The following SS18L1 variants were observed in gnomAD, a reference collection of about 807,000 sequenced individuals.
The protein encoded by SS18L1 is calcium-responsive transactivator.
SS18L1 carries 32 observed loss-of-function variants against 70.3 expected under a neutral mutation model. The observed-to-expected ratio is 0.46, with a 90% CI of 0.34 to 0.61. The LOEUF (loss-of-function observed/expected upper bound fraction) is 0.61. Ranked by LOEUF, SS18L1 falls within the 20% of genes least tolerant of loss-of-function variation. The probability of loss-of-function intolerance (pLI) is 0.01; values close to 1 mark genes in which losing one functional copy is unlikely to be tolerated. For synonymous variants in SS18L1, 237 were observed against 229.7 expected, an observed-to-expected ratio of 1.03 and a Z score of -0.29; for missense variants, 430 against 542.1, an observed-to-expected ratio of 0.79 and a Z score of 2.05.
Position 62,158,618 on chromosome 20 carries a change from C to T in SS18L1, c.70-54C>T, listed in dbSNP as rs577510715. 139 of 1,595,630 alleles carry T rather than the reference C, an allele frequency of 8.7e-5. No homozygotes were observed. The East Asian group carries it at 2.5e-3, about 28-fold the overall frequency. On this transcript the variant is annotated intron_variant, in intron 1 of 10. Transcript: ENST00000331758. This position sits in a 1 kb window ranked among gnomAD's most constrained non-coding sequence, Gnocchi z 4.5. ...GATGTGTAGCGATGGCTGTTCATCC[C>T]GAGGGTCAGCGACAGCCCCGCGTCG...
chr20:62,175,095 A>C (rs748618288), intron 10 of SS18L1, among the ~76,000 whole-genome samples: 4 of 152,248 alleles, frequency 2.6e-5, no homozygotes, highest in Non-Finnish European at 5.9e-5. Flanking sequence ...ATGGGGGCGC[A>C]GGCGACCGCA....
At position 62,147,695 on chromosome 20, in the gene SS18L1, G is replaced by A. The variant is rs555388751; in HGVS notation, c.69+3806G>A. On this transcript the variant is annotated intron_variant, in intron 1 of 10. Transcript: ENST00000331758. ...CTCTGAGGGAATGGGATGGAGCTGA[G>A]AGGAGGTGGGCCCCTGGGGCCGCCT... 4.6e-5 allele frequency among the ~76,000 whole-genome samples: 7 copies of A among 152,266 alleles called. No individual in the cohort carries two copies. In the East Asian group the frequency reaches 1.4e-3, roughly 29 times the overall value.
intron 8 of SS18L1, among the ~76,000 whole-genome samples, chr20:62,171,831 C>T (rs1413451711): frequency 1.3e-5 from 2 of 152,080 alleles, no homozygotes; most frequent in African/African-American, 4.8e-5. Flanking sequence ...CCAGCCTGGG[C>T]AACATAGAGA....
At position 62,180,671 on chromosome 20, in the gene SS18L1, G is replaced by A. The variant is rs547775646; in HGVS notation, c.*1463G>A. 7 of 162,084 alleles carry A rather than the reference G, an allele frequency of 4.3e-5. No individual in the cohort carries two copies. Among genetic ancestry groups the A allele is most frequent in the East Asian group, 4.0e-4 (3 of 7,476 alleles). 10.0% of individuals were successfully genotyped at this position (162,084 alleles called of 1,614,324 possible). ...AGCACTTTGGGAGGCCGAAGCGGGC[G>A]GATCACCTGAGGTCGGGAGTTCGAG... On this transcript the variant is annotated 3_prime_UTR_variant, in exon 11 of 11. Coordinates refer to ENST00000331758, the MANE Select transcript of SS18L1 (RefSeq NM_198935.3).
intron 8 of SS18L1, among the ~76,000 whole-genome samples, chr20:62,166,083 C>T (rs2057424867): frequency 2.6e-5 from 4 of 152,208 alleles, no homozygotes; most frequent in Admixed American, 2.6e-4. Flanking sequence ...GGTGTCTGTG[C>T]CCCCACCCTG....
Position 62,172,031 on chromosome 20 carries a change from G to A in SS18L1, c.917-651G>A, listed in dbSNP as rs377297139. Among the ~76,000 whole-genome samples, 201 of 152,104 alleles carry A rather than the reference G, an allele frequency of 1.3e-3. No individual in the cohort carries two copies. In the Middle Eastern group the frequency reaches 0.017, roughly 13 times the overall value. The stretch of plus-strand genomic sequence containing the variant: ...CAAAAAATTAGCCTGGCGTTGTGGC[G>A]GGCACCTGTAGTCCCAGCTACTCGG... On this transcript the variant is annotated intron_variant, in intron 8 of 10. Coordinates refer to ENST00000331758, the MANE Select transcript of SS18L1 (RefSeq NM_198935.3).
At chr20:62,154,330 G>T in intron 1 of SS18L1, 1 of 1,047,422 alleles carries the variant, frequency 9.5e-7, no homozygotes, top group Non-Finnish European at 1.2e-6. Flanking sequence ...TTGGGTACAA[G>T]GTGCGTTTTC....
chr20:62,168,473 G>C (rs1009853976), intron 8 of SS18L1, among the ~76,000 whole-genome samples: 1 of 152,138 alleles, frequency 6.6e-6, no homozygotes, highest in Admixed American at 6.5e-5. Context: ...GGAGGAATGG[G>C]TCAAAGGCAC....
In SS18L1 at chr20:62,179,446, C is replaced by T. The variant is rs549471998; in HGVS notation, c.*238C>T. 29 of 558,726 alleles carry T rather than the reference C, an allele frequency of 5.2e-5. No homozygotes were observed. The highest frequency in any genetic ancestry group is 4.8e-4 in the Middle Eastern group (1 of 2,098). 34.6% of individuals were successfully genotyped at this position (558,726 alleles called of 1,614,324 possible). A position where few individuals can be genotyped will look rare whatever the true frequency, so the allele number is the denominator to read the frequency against. ...GTGTATAGTATTGTATGTCGGTACA[C>T]GGAGAGGTATCCTTTTTTTGTCCCC... On this transcript the variant is annotated 3_prime_UTR_variant, in exon 11 of 11. Coordinates refer to ENST00000331758, the MANE Select transcript of SS18L1 (RefSeq NM_198935.3).
chr20:62,156,768 C>T (rs1200999537), intron 1 of SS18L1, among the ~76,000 whole-genome samples: 2 of 152,170 alleles, frequency 1.3e-5, no homozygotes, highest in Non-Finnish European at 2.9e-5. Context: ...CCCCAAGGCC[C>T]CAGGCAGGCA....
intron 8 of SS18L1, among the ~76,000 whole-genome samples, chr20:62,166,798 G>A (rs772922757): frequency 6.6e-6 from 1 of 151,278 alleles, no homozygotes; most frequent in South Asian, 2.1e-4. Flanking sequence ...GGTGGCATGT[G>A]CCTGTAATCT....
Position 62,158,343 on chromosome 20 carries a change from A to T in SS18L1, c.70-329A>T, listed in dbSNP as rs2057260310. Among the ~76,000 whole-genome samples the T allele has an allele frequency of 6.6e-6, 1 of 151,664 alleles. No individual in the cohort carries two copies. The highest frequency in any genetic ancestry group is 2.4e-5 in the African/African-American group (1 of 41,266). ...CGGTCTGTGGTGGCTGAGGCAATGCACGTAACGACAGTTTCGTATACAGAA... is the reference window on the plus strand; with the variant it reads ...CGGTCTGTGGTGGCTGAGGCAATGCTCGTAACGACAGTTTCGTATACAGAA... On this transcript the variant is annotated intron_variant, in intron 1 of 10. Coordinates refer to ENST00000331758, the MANE Select transcript of SS18L1 (RefSeq NM_198935.3). This position sits in a 1 kb window ranked among gnomAD's most constrained non-coding sequence, Gnocchi z 4.5.
intron 1 of SS18L1, among the ~76,000 whole-genome samples, chr20:62,145,139 T>G (rs186147368): frequency 1.9e-4 from 29 of 152,392 alleles, no homozygotes; most frequent in African/African-American, 6.7e-4. Flanking sequence ...AAGTGTGGCA[T>G]TTTAATTTAC....
In SS18L1 at chr20:62,181,139, C is replaced by T. The variant is rs956644622; in HGVS notation, c.*1931C>T. On this transcript the variant is annotated 3_prime_UTR_variant, in exon 11 of 11. Transcript: ENST00000331758. ...GGACATTCTCCCCTCTCCTAGGAGA[C>T]GGATGTCACGCACAAATGGGGAGAG... 9 of 192,626 alleles carry T rather than the reference C, an allele frequency of 4.7e-5. No individual in the cohort carries two copies. Among genetic ancestry groups the T allele is most frequent in the Non-Finnish European group, 4.3e-5 (4 of 92,316 alleles). 11.9% of individuals were successfully genotyped at this position (192,626 alleles called of 1,614,324 possible).
chr20:62,144,436 C>T (rs1357767012), intron 1 of SS18L1, among the ~76,000 whole-genome samples: 1 of 152,230 alleles, frequency 6.6e-6, no homozygotes, highest in African/African-American at 2.4e-5. Context: ...CCCTCTTGCT[C>T]CTGGAGCGAG....
At chr20:62,144,168 C>T (rs1156233447) in intron 1 of SS18L1, among the ~76,000 whole-genome samples, 1 of 151,194 alleles carries the variant, frequency 6.6e-6, no homozygotes, top group African/African-American at 2.4e-5. Flanking sequence ...GGGGGCCGGG[C>T]GGACGCTGGA....
At position 62,158,955 on chromosome 20, in the gene SS18L1, C is replaced by CCGA; in HGVS notation, c.146+208_146+210dup. On this transcript the variant is annotated intron_variant, in intron 2 of 10. Transcript: ENST00000331758. This position sits in a 1 kb window ranked among gnomAD's most constrained non-coding sequence, Gnocchi z 4.5. ...CCCCAGCACGGAGGTCAGATATGTC[C>CCGA]CGAGAGTCCCCCAGCACGGAGGCCA... The CCGA allele has an allele frequency of 6.3e-7, 1 of 1,577,322 alleles. No individual in the cohort carries two copies. The highest frequency in any genetic ancestry group is 8.6e-7 in the Non-Finnish European group (1 of 1,165,634).
At chr20:62,163,695 T>C in intron 6 of SS18L1, 73 bp downstream of exon 6, 11 of 1,452,670 alleles carry the variant, frequency 7.6e-6, no homozygotes, top group South Asian at 1.4e-5. Context: ...CTGTGTGTGC[T>C]TCTCTTCGGG....
chr20:62,154,055 G>A (rs1370214302), intron 1 of SS18L1, among the ~76,000 whole-genome samples: 1 of 152,174 alleles, frequency 6.6e-6, no homozygotes, highest in East Asian at 1.9e-4. Flanking sequence ...ACTCCCAAAT[G>A]CTTGAACGTG....
Sources: gnomAD v4.1 joint callset for allele counts (sites outside exome capture counted in the v4.1 genomes callset) on GRCh38, gnomAD v4.1.1 for gene constraint, Gnocchi (gnomAD v3.1) non-coding constraint, MANE v1.5 for transcripts, NCBI Gene and HGNC (gene_info 2026-07-23, HGNC 2026-07-21) for gene names.